Variants in EHD4 observed in about 807,000 individuals in gnomAD.
EHD4 encodes EH domain containing 4.
EHD4 carries 37 observed loss-of-function variants against 51.0 expected under a neutral mutation model. The ratio of observed to expected loss-of-function variants is 0.73; its 90% CI spans 0.56 to 0.95. The LOEUF is 0.95. EHD4 is among the 40% of genes least tolerant of loss of function. The probability of loss-of-function intolerance (pLI) is 0.00; values close to 1 mark genes in which losing one functional copy is unlikely to be tolerated. For synonymous variants in EHD4, 297 were observed against 317.3 expected, an observed-to-expected ratio of 0.94 and a Z score of 0.68; for missense variants, 632 against 733.1, an observed-to-expected ratio of 0.86 and a Z score of 1.59.
Position 41,935,672 on chromosome 15 carries a change from G to A in EHD4, c.511+7395C>T, listed in dbSNP as rs553674754. On this transcript the variant is annotated intron_variant, in intron 3 of 5. Transcript: ENST00000220325. The stretch of plus-strand genomic sequence containing the variant: ...CCACGCCTCTTGTGGTTAACAGCAC[G>A]CACTCTGGAACCAGACTGCCTGGTT... Among the ~76,000 whole-genome samples, 4 of 152,292 alleles carry A rather than the reference G, an allele frequency of 2.6e-5. 1 individual carries two copies. Among genetic ancestry groups the A allele is most frequent in the Admixed American group, 1.3e-4 (2 of 15,310 alleles).
chr15:41,971,925 T>C (rs2067998761), intron 1 of EHD4, among the ~76,000 whole-genome samples: 1 of 152,252 alleles, frequency 6.6e-6, no homozygotes, highest in African/African-American at 2.4e-5. Context: ...TCCCTAGGCA[T>C]CACTCCCTCG....
rs765143693 is a variant in EHD4, at chr15:41,900,843, G to T, written c.1428C>A (p.Thr476=). The stretch of plus-strand genomic sequence containing the variant: ...CCAGGACGCTGTTGGGCAGCTTGGA[G>T]GTCACCATCTCCTTCTTGGCGTTGA... ...SGVNAKKEMV[T]SKLPNSVLGK... is the part of the protein sequence containing the mutation. The change falls in exon 6 of 6, where the codon ACC becomes ACA. Residue 476 remains threonine, a synonymous_variant. Coordinates refer to ENST00000220325, the MANE Select transcript of EHD4 (RefSeq NM_139265.4). The surrounding 1 kb of genome is among the most constrained non-coding windows in gnomAD (Gnocchi z 4.8). 1 of 1,614,182 alleles carries T rather than the reference G, an allele frequency of 6.2e-7. No homozygotes were observed. The highest frequency in any genetic ancestry group is 2.2e-5 in the East Asian group (1 of 44,872).
At chr15:41,956,005 G>C (rs2067885243) in intron 1 of EHD4, among the ~76,000 whole-genome samples, 1 of 152,200 alleles carries the variant, frequency 6.6e-6, no homozygotes, top group Non-Finnish European at 1.5e-5. Context: ...AGAGACTGCT[G>C]GGGAGGGAGG....
rs370929347 is a variant in EHD4, at chr15:41,906,747, C to T, written c.1089+2952G>A. Among the ~76,000 whole-genome samples, 15 of 152,380 alleles carry T rather than the reference C, an allele frequency of 9.8e-5. No homozygotes were observed. The East Asian group carries it at 2.9e-3, about 29-fold the overall frequency. ...GGGGTTGCGGGCATCCCTGCCTGGG[C>T]ACTGCCACGTTCCCCTTGGGGTGAC... On this transcript the variant is annotated intron_variant, in intron 5 of 5. Transcript: ENST00000220325.
intron 1 of EHD4, among the ~76,000 whole-genome samples, chr15:41,958,978 AG>A (rs2067906346): frequency 6.6e-6 from 1 of 152,264 alleles, no homozygotes. Context: ...GAATGTTTAC[AG>A]GAACGTGTCC....
chr15:41,944,503 G>A (rs568276751), intron 2 of EHD4, among the ~76,000 whole-genome samples: 1 of 152,302 alleles, frequency 6.6e-6, no homozygotes, highest in East Asian at 1.9e-4. Flanking sequence ...AGGGAGGCCT[G>A]GCCAGCCTCC....
At chr15:41,920,269 A>C (rs1194271370) in intron 3 of EHD4, among the ~76,000 whole-genome samples, 1 of 152,160 alleles carries the variant, frequency 6.6e-6, no homozygotes, top group Admixed American at 6.5e-5. Context: ...GTCTCTTGCC[A>C]ATTTCTTTTT....
rs114283371 is a variant in EHD4 at position 41,967,685 on chromosome 15, C to T, written c.236+4574G>A. ...GGCTGCCTATTAGTGAATGCCTTCA[C>T]TTCCCTTTTCCTTAATTACTGAGTC... On this transcript the variant is annotated intron_variant, in intron 1 of 5. Transcript: ENST00000220325. Among the ~76,000 whole-genome samples the T allele has an allele frequency of 2.7e-3, 412 of 152,302 alleles. 6 individuals are homozygous for T. Among genetic ancestry groups the T allele is most frequent in the African/African-American group, 9.4e-3 (392 of 41,568 alleles).
chr15:41,913,725 T>C (rs1299383346), intron 4 of EHD4, among the ~76,000 whole-genome samples: 3 of 152,190 alleles, frequency 2.0e-5, no homozygotes, highest in Non-Finnish European at 4.4e-5. Flanking sequence ...TACCAAATAA[T>C]TAATAAACTC....
At chr15:41,958,633 T>C (rs897929557) in intron 1 of EHD4, among the ~76,000 whole-genome samples, 1 of 152,142 alleles carries the variant, frequency 6.6e-6, no homozygotes, top group Non-Finnish European at 1.5e-5. Flanking sequence ...CCAAGCACCA[T>C]CTTCTCAACG....
Position 41,901,008 on chromosome 15 carries a change from G to A in EHD4, c.1263C>T (p.Thr421=), listed in dbSNP as rs373263599. ...LVQGGAFDGT[T]EGPFNQGYGE... ...CGTAGCCCTGGTTGAAGGGGCCCTC[G>A]GTGGTGCCATCGAAGGCGCCGCCCT... Residue 421 remains threonine (T), a synonymous_variant, in exon 6 of 6, where the codon ACC becomes ACT. Transcript: ENST00000220325. The A allele has an allele frequency of 1.2e-5, 19 of 1,608,526 alleles. No individual in the cohort carries two copies. The highest frequency in any genetic ancestry group is 6.7e-5 in the East Asian group (3 of 44,732).
chr15:41,908,816 A>G (rs746361108), intron 5 of EHD4: 2 of 152,250 alleles, frequency 1.3e-5, no homozygotes, highest in African/African-American at 2.4e-5. Context: ...CAAACGTGGG[A>G]AAACCAAAGG....
intron 2 of EHD4, among the ~76,000 whole-genome samples, chr15:41,952,332 G>A (rs2141004135): frequency 6.6e-6 from 1 of 152,324 alleles, no homozygotes; most frequent in Middle Eastern, 3.4e-3. Flanking sequence ...TCCCTAAAGA[G>A]GCTCGGATGA....
At chr15:41,916,111 T>C (rs1295533613) in intron 4 of EHD4, among the ~76,000 whole-genome samples, 1 of 152,242 alleles carries the variant, frequency 6.6e-6, no homozygotes, top group African/African-American at 2.4e-5. Flanking sequence ...AGACTTGACA[T>C]CTCTTAGCTG....
intron 4 of EHD4, among the ~76,000 whole-genome samples, chr15:41,912,763 T>G (rs1365965442): frequency 1.3e-5 from 2 of 152,120 alleles, no homozygotes; most frequent in African/African-American, 2.4e-5. Context: ...AAATACTGAA[T>G]CTGGAAGTGA....
In EHD4 at chr15:41,909,711, G is replaced by A; in HGVS notation, c.1077C>T (p.Val359=). 1 of 1,614,134 alleles carries A rather than the reference G, an allele frequency of 6.2e-7. No individual in the cohort carries two copies. The highest frequency in any genetic ancestry group is 8.5e-7 in the Non-Finnish European group (1 of 1,180,034). The change falls in exon 5 of 6, where the codon GTC becomes GTT. Residue 359 remains valine (V), a synonymous_variant. Coordinates refer to ENST00000220325, the MANE Select transcript of EHD4 (RefSeq NM_139265.4). ...GGGCTCCCAGTACCTGCATAGCCTT[G>A]ACCTCAGGGAAGTCCCCTGCAGAAA... ...YQISAGDFPE[V]KAMQEQLENY...
intron 1 of EHD4, among the ~76,000 whole-genome samples, chr15:41,971,686 C>A (rs2067996434): frequency 6.6e-6 from 1 of 152,216 alleles, no homozygotes; most frequent in Non-Finnish European, 1.5e-5. Context: ...TCACTTCCTA[C>A]GGGCGGCTAA....
chr15:41,970,728 A>ACAC (rs2067989782), intron 1 of EHD4, among the ~76,000 whole-genome samples: 1 of 152,186 alleles, frequency 6.6e-6, no homozygotes, highest in South Asian at 2.1e-4. Context: ...AACAGGAGGA[A>ACAC]ATGCCTAGGG....
At chr15:41,966,344 C>G (rs2067961389) in intron 1 of EHD4, among the ~76,000 whole-genome samples, 1 of 152,162 alleles carries the variant, frequency 6.6e-6, no homozygotes, top group Non-Finnish European at 1.5e-5. Flanking sequence ...CACTACTGAC[C>G]ACCACCTCTC....
Sources: allele counts gnomAD v4.1 joint callset (sites outside exome capture counted in the v4.1 genomes callset), GRCh38; gene constraint gnomAD v4.1.1; non-coding constraint Gnocchi (gnomAD v3.1); transcripts MANE v1.5; gene names NCBI Gene and HGNC (gene_info 2026-07-23, HGNC 2026-07-21).